Variants in FRMD3 observed in about 807,000 individuals in gnomAD.
The protein encoded by FRMD3 is FERM domain-containing protein 3.
Under a neutral mutation model 70.2 loss-of-function variants are expected in FRMD3, and 33 were observed. The observed-to-expected ratio is 0.47, with a 90% CI of 0.36 to 0.63. The LOEUF is 0.63. Among genes scored for constraint, FRMD3 ranks in the 20% least tolerant of loss-of-function variants. FRMD3 has a pLI of 0.00. For missense variants in FRMD3, 632 were observed against 711.4 expected (o/e 0.89, Z 1.27); for synonymous variants, 279 against 255.9 (o/e 1.09, Z -0.86).
At chr9:83,499,704 G>T (rs1829020241) in intron 1 of FRMD3, among the ~76,000 whole-genome samples, 1 of 152,292 alleles carries the variant, frequency 6.6e-6, no homozygotes, top group South Asian at 2.1e-4. Context: ...ATGTAAAATG[G>T]TTTGGCTGTT....
At chr9:83,486,951 C>A (rs1262567920) in intron 1 of FRMD3, among the ~76,000 whole-genome samples, 2 of 152,272 alleles carry the variant, frequency 1.3e-5, no homozygotes, top group African/African-American at 4.8e-5. Flanking sequence ...CATCTGGAAT[C>A]AACATGAAGC....
chr9:83,436,325 C>T (rs1827131340), intron 1 of FRMD3, among the ~76,000 whole-genome samples: 1 of 152,222 alleles, frequency 6.6e-6, no homozygotes. Flanking sequence ...GTCATTGACA[C>T]ATAAAACTGT....
the FRMD3 span, among the ~76,000 whole-genome samples, chr9:83,546,332 G>A: frequency 0.013 from 2,028 of 151,904 alleles, 50 homozygotes; most frequent in African/African-American, 0.047. Flanking sequence ...ACTCCACCCC[G>A]GGTGACAGAG....
chr9:83,246,877 A>T lies in FRMD3; in HGVS notation c.*1041T>A, dbSNP rs1475205642. On this transcript the variant is annotated 3_prime_UTR_variant, in exon 14 of 14. Transcript: ENST00000304195. ...CGCTGGCATCACCATCACTTTCATAAAATAGACCATTCGCCTGTCACCATT... is the reference window on the plus strand; with the variant it reads ...CGCTGGCATCACCATCACTTTCATATAATAGACCATTCGCCTGTCACCATT... 1.0e-6 allele frequency: 1 copy of T among 985,210 alleles called. No individual in the cohort carries two copies. The highest frequency in any genetic ancestry group is 1.2e-6 in the Non-Finnish European group (1 of 829,922). 61.0% of individuals were successfully genotyped at this position (985,210 alleles called of 1,614,324 possible).
In FRMD3 at chr9:83,245,609, ATTT is replaced by A; in HGVS notation, c.*2306_*2308del. The A allele has an allele frequency of 1.2e-6, 1 of 814,838 alleles. No homozygotes were observed. The highest frequency in any genetic ancestry group is 1.5e-6 in the Non-Finnish European group (1 of 674,206). 50.5% of individuals were successfully genotyped at this position (814,838 alleles called of 1,614,324 possible). On this transcript the variant is annotated 3_prime_UTR_variant, in exon 14 of 14. Transcript: ENST00000304195. ...TTACATGTGATATTTATACTATCAT[ATTT>A]TTTAAGTATTTTACAATGGAAAATA...
intron 6 of FRMD3, among the ~76,000 whole-genome samples, chr9:83,323,632 C>T (rs1459683159): frequency 6.6e-6 from 1 of 152,174 alleles, no homozygotes; most frequent in East Asian, 1.9e-4. Flanking sequence ...ATGCAGTCCC[C>T]AGACCTTAAA....
chr9:83,567,067 A>G, the FRMD3 span, among the ~76,000 whole-genome samples: 4 of 152,310 alleles, frequency 2.6e-5, no homozygotes, highest in South Asian at 8.3e-4. Flanking sequence ...CCCTGCAGCA[A>G]ACTTTTGCCT....
intron 1 of FRMD3, among the ~76,000 whole-genome samples, chr9:83,523,181 T>C (rs1265276119): frequency 6.6e-6 from 1 of 150,804 alleles, no homozygotes; most frequent in Non-Finnish European, 1.5e-5. Context: ...GATGGATGGA[T>C]GGATGGATGG....
At position 83,247,665 on chromosome 9, in the gene FRMD3, C is replaced by T. The variant is rs1038448086; in HGVS notation, c.*253G>A. ...ATATAATAGATGAAGGGTATGTCTA[C>T]ACTATAATAAAAAATAAACATATTT... is the stretch of plus-strand genomic sequence containing the variant. On this transcript the variant is annotated 3_prime_UTR_variant, in exon 14 of 14. Coordinates refer to ENST00000304195, the MANE Select transcript of FRMD3 (RefSeq NM_174938.6). 7.2e-5 allele frequency: 87 copies of T among 1,203,382 alleles called. 1 individual carries two copies. The South Asian group carries it at 1.7e-3, about 23-fold the overall frequency. 74.5% of individuals were successfully genotyped at this position (1,203,382 alleles called of 1,614,324 possible).
chr9:83,516,411 A>C (rs1317359481), intron 1 of FRMD3, among the ~76,000 whole-genome samples: 1 of 152,258 alleles, frequency 6.6e-6, no homozygotes, highest in Non-Finnish European at 1.5e-5. Flanking sequence ...CAATGCAACA[A>C]GAAGAGTTAA....
At chr9:83,474,849 G>A (rs575196635) in intron 1 of FRMD3, among the ~76,000 whole-genome samples, 6 of 151,918 alleles carry the variant, frequency 3.9e-5, no homozygotes, top group African/African-American at 1.2e-4. Context: ...GCTGCTAGAG[G>A]GATGATAAAC....
intron 1 of FRMD3, among the ~76,000 whole-genome samples, chr9:83,521,586 C>A (rs1026134749): frequency 6.6e-6 from 1 of 152,186 alleles, no homozygotes; most frequent in Non-Finnish European, 1.5e-5. Flanking sequence ...AAACACCCAA[C>A]GAATCTTGCC....
intron 3 of FRMD3, among the ~76,000 whole-genome samples, chr9:83,366,230 A>C (rs1340696956): frequency 6.6e-6 from 1 of 152,166 alleles, no homozygotes. Flanking sequence ...TTACATTTAA[A>C]TTATGTATTG....
chr9:83,482,140 A>G (rs960906035), intron 1 of FRMD3, among the ~76,000 whole-genome samples: 5 of 152,170 alleles, frequency 3.3e-5, no homozygotes, highest in African/African-American at 1.2e-4. Context: ...CATCACCAAC[A>G]AGGCTTGTGC....
chr9:83,459,874 G>A (rs1827921577), intron 1 of FRMD3, among the ~76,000 whole-genome samples: 1 of 152,212 alleles, frequency 6.6e-6, no homozygotes, highest in African/African-American at 2.4e-5. Flanking sequence ...CCTGGCCAGG[G>A]CCCTCGGTTG....
At chr9:83,329,889 G>A (rs904816323) in intron 6 of FRMD3, among the ~76,000 whole-genome samples, 6 of 152,172 alleles carry the variant, frequency 3.9e-5, no homozygotes, top group African/African-American at 1.2e-4. Flanking sequence ...AAGACTAGCT[G>A]AGTAGAAACT....
At chr9:83,251,622 G>C (rs1832433529) in intron 13 of FRMD3, among the ~76,000 whole-genome samples, 1 of 152,160 alleles carries the variant, frequency 6.6e-6, no homozygotes. Flanking sequence ...GACTCACAAT[G>C]ATACAATACA....
chr9:83,524,102 T>G (rs1002069834), intron 1 of FRMD3, among the ~76,000 whole-genome samples: 22 of 152,252 alleles, frequency 1.4e-4, no homozygotes, highest in African/African-American at 5.3e-4. Flanking sequence ...ATACATTGTT[T>G]TCCTATTTTT....
chr9:83,531,473 C>T (rs897799438), intron 1 of FRMD3, among the ~76,000 whole-genome samples: 1 of 152,162 alleles, frequency 6.6e-6, no homozygotes, highest in Non-Finnish European at 1.5e-5. Context: ...AGAGCTGGCC[C>T]ATATAATATA....
Sources: gnomAD v4.1 joint callset for allele counts (sites outside exome capture counted in the v4.1 genomes callset) on GRCh38, gnomAD v4.1.1 for gene constraint, MANE v1.5 for transcripts, NCBI Gene and HGNC (gene_info 2026-07-23, HGNC 2026-07-21) for gene names.